SPATA9: variants seen among roughly 807,000 people sequenced by gnomAD.
The protein encoded by SPATA9 is spermatogenesis associated 9.
SPATA9 carries 27 observed loss-of-function variants against 25.5 expected under a neutral mutation model. That is an observed-to-expected ratio of 1.06 (90% CI 0.78 to 1.46). The LOEUF is 1.46. SPATA9 is among the 40% of genes most tolerant of loss of function. SPATA9 has a pLI of 0.00. For missense variants in SPATA9, 282 were observed against 297.5 expected, an observed-to-expected ratio of 0.95 and a Z score of 0.38; for synonymous variants, 102 against 105.7, an observed-to-expected ratio of 0.97 and a Z score of 0.21.
downstream of SPATA9, chr5:95,654,485 A>G (rs1330757409): frequency 4.2e-6 from 3 of 711,854 alleles, no homozygotes; most frequent in Non-Finnish European, 7.0e-6. Flanking sequence ...TATTCTGGGA[A>G]TTCATAAGAT....
the SPATA9 span, among the ~76,000 whole-genome samples, chr5:95,722,623 G>C: frequency 6.6e-6 from 1 of 152,120 alleles, no homozygotes; most frequent in East Asian, 1.9e-4. Context: ...CCAAGTAGCT[G>C]GGACTACAGG....
At chr5:95,711,602 C>A in the SPATA9 span, among the ~76,000 whole-genome samples, 1 of 152,088 alleles carries the variant, frequency 6.6e-6, no homozygotes, top group Non-Finnish European at 1.5e-5. Flanking sequence ...CCACAGGGGA[C>A]GTCGTCAAGG....
chr5:95,692,270 T>C (rs994450373), intron 1 of SPATA9, among the ~76,000 whole-genome samples: 6 of 152,128 alleles, frequency 3.9e-5, no homozygotes, highest in Admixed American at 2.0e-4. Flanking sequence ...ATAATTTACA[T>C]ATTTTTTTAA....
the SPATA9 span, chr5:95,731,267 A>T: frequency 9.9e-7 from 1 of 1,010,266 alleles, no homozygotes; most frequent in Non-Finnish European, 1.2e-6. Flanking sequence ...CGGTCCGCTG[A>T]GGGGGCGGAG....
chr5:95,652,362 C>A (rs994339062), downstream of SPATA9: 1 of 1,546,368 alleles, frequency 6.5e-7, no homozygotes, highest in Admixed American at 2.0e-5. Flanking sequence ...GACCTGGAAA[C>A]TCCCCAGTTT....
the SPATA9 span, chr5:95,731,283 G>A: frequency 2.9e-4 from 298 of 1,021,716 alleles, no homozygotes; most frequent in African/African-American, 4.7e-3. Flanking sequence ...CGGAGGCCCC[G>A]ATCTCCCCGA....
chr5:95,684,577 T>C (rs1753686462), upstream of SPATA9: 1 of 152,268 alleles, frequency 6.6e-6, no homozygotes, highest in Admixed American at 6.5e-5. Context: ...ACGTCCTTTT[T>C]GTCTTTTCTT....
intron 4 of SPATA9, 63 bp from the exon 5 acceptor site, chr5:95,658,976 AACAT>A: frequency 6.6e-7 from 1 of 1,524,342 alleles, no homozygotes; most frequent in Non-Finnish European, 8.8e-7. Context: ...ACAGATTAAA[AACAT>A]ACAATATAGT....
chr5:95,685,175 C>T (rs1166380033), upstream of SPATA9, among the ~76,000 whole-genome samples: 1 of 152,174 alleles, frequency 6.6e-6, no homozygotes, highest in East Asian at 1.9e-4. Context: ...ATTAAATACC[C>T]AATAAGTGGC....
intron 3 of SPATA9, among the ~76,000 whole-genome samples, chr5:95,672,533 A>G (rs1752503814): frequency 6.6e-6 from 1 of 152,132 alleles, no homozygotes; most frequent in South Asian, 2.1e-4. Context: ...ATAACATAAG[A>G]AAATTATAAG....
chr5:95,682,472 A>T (rs1487608214), intron 2 of SPATA9, 56 bp downstream of exon 2: 1 of 1,241,158 alleles, frequency 8.1e-7, no homozygotes, highest in Non-Finnish European at 1.1e-6. Flanking sequence ...TGGGTATGAT[A>T]CTAAAAATAG....
intron 4 of SPATA9, among the ~76,000 whole-genome samples, chr5:95,663,117 C>A (rs1050749481): frequency 2.0e-5 from 3 of 152,202 alleles, no homozygotes; most frequent in East Asian, 3.9e-4. Context: ...ATGAAATAAT[C>A]CAAATGTCCA....
chr5:95,728,446 C>T, the SPATA9 span, among the ~76,000 whole-genome samples: 47 of 152,188 alleles, frequency 3.1e-4, no homozygotes, highest in Middle Eastern at 3.2e-3. Flanking sequence ...TCTATTAAGA[C>T]CTAAGACAAT....
chr5:95,706,939 A>G, the SPATA9 span, among the ~76,000 whole-genome samples: 1 of 152,192 alleles, frequency 6.6e-6, no homozygotes, highest in Non-Finnish European at 1.5e-5. Flanking sequence ...GCTATCAGAA[A>G]CAAGTCTTCT....
At chr5:95,654,371 T>C, downstream of SPATA9, 1 of 1,571,908 alleles carries the variant, frequency 6.4e-7, no homozygotes, top group African/African-American at 1.4e-5. Flanking sequence ...TATAGAGGTA[T>C]GTAAAATTAA....
chr5:95,698,237 G>C (rs1422936476), intron 1 of SPATA9, among the ~76,000 whole-genome samples: 4 of 152,222 alleles, frequency 2.6e-5, no homozygotes, highest in African/African-American at 9.6e-5. Context: ...GATTGGCAGA[G>C]AGGAGGAAAC....
At chr5:95,672,174 G>T (rs1205572313) in intron 3 of SPATA9, among the ~76,000 whole-genome samples, 1 of 152,168 alleles carries the variant, frequency 6.6e-6, no homozygotes, top group Non-Finnish European at 1.5e-5. Context: ...GTGAGGTGGG[G>T]ATCAAGCCTT....
the SPATA9 span, among the ~76,000 whole-genome samples, chr5:95,724,689 C>T: frequency 1.1e-4 from 17 of 152,242 alleles, no homozygotes; most frequent in Middle Eastern, 6.8e-3. Context: ...TGGTTTCGAA[C>T]GCCTGACCAC....
Position 95,658,385 on chromosome 5 carries a change from G to C in SPATA9, c.*238C>G, listed in dbSNP as rs1750913439. On this transcript the variant is annotated 3_prime_UTR_variant, in exon 5 of 5. Coordinates refer to ENST00000274432, the MANE Select transcript of SPATA9 (RefSeq NM_031952.4). ...CCACAGTGTAAAGTCTAACCTACCA[G>C]AGGATGGATTTTCTTGTTCATTAAA... 1.5e-5 allele frequency: 5 copies of C among 337,228 alleles called. No individual in the cohort carries two copies. In the East Asian group the frequency reaches 2.7e-4, roughly 18 times the overall value. The allele number at this position is 337,228 out of a possible 1,614,324, so 20.9% of individuals were successfully genotyped here. A position where few individuals can be genotyped will look rare whatever the true frequency, so the allele number is the denominator to read the frequency against.
Sources: allele counts gnomAD v4.1 joint callset (sites outside exome capture counted in the v4.1 genomes callset), GRCh38; gene constraint gnomAD v4.1.1; transcripts MANE v1.5; gene names NCBI Gene and HGNC (gene_info 2026-07-23, HGNC 2026-07-21).